Variants in AGBL1 observed in about 807,000 individuals in gnomAD.
AGBL1 encodes AGBL carboxypeptidase 1, also known as cytosolic carboxypeptidase 4.
A neutral mutation model predicts 118.9 loss-of-function variants in AGBL1; 130 were observed. The ratio of observed to expected loss-of-function variants is 1.09; its 90% CI spans 0.95 to 1.26. The LOEUF (loss-of-function observed/expected upper bound fraction) is 1.26, where lower values mean the gene tolerates loss of function less well. Ranked by LOEUF, AGBL1 falls within the 50% of genes most tolerant of loss-of-function variation. The probability of loss-of-function intolerance (pLI) is 0.00; values close to 1 mark genes in which losing one functional copy is unlikely to be tolerated. For missense variants in AGBL1, 1,584 were observed against 1,298.1 expected (o/e 1.22, Z -3.38); for synonymous variants, 555 against 478.9 (o/e 1.16, Z -2.08).
intron 1 of AGBL1, among the ~76,000 whole-genome samples, chr15:86,097,145 G>A (rs1014057426): frequency 6.6e-6 from 1 of 151,866 alleles, no homozygotes; most frequent in Non-Finnish European, 1.5e-5. Context: ...AATGTTATTG[G>A]GATTGCTATT....
chr15:86,538,719 G>C (rs2083456769), intron 19 of AGBL1, among the ~76,000 whole-genome samples: 1 of 152,222 alleles, frequency 6.6e-6, no homozygotes, highest in South Asian at 2.1e-4. Flanking sequence ...TTGATACTGG[G>C]AAGCAGGAAT....
chr15:86,489,416 T>C (rs2082751922), intron 18 of AGBL1, among the ~76,000 whole-genome samples: 1 of 152,172 alleles, frequency 6.6e-6, no homozygotes, highest in Admixed American at 6.5e-5. Flanking sequence ...TCTGACTTGA[T>C]GTGACTATTG....
intron 22 of AGBL1, among the ~76,000 whole-genome samples, chr15:86,789,317 C>T (rs984068645): frequency 3.3e-5 from 5 of 152,160 alleles, no homozygotes; most frequent in African/African-American, 4.8e-5. Flanking sequence ...AATGCAGACT[C>T]GGATTATCAA....
At chr15:87,012,192 T>TACACACACACACAC (rs57985975) in intron 24 of AGBL1, among the ~76,000 whole-genome samples, 35 of 142,786 alleles carry the variant, frequency 2.5e-4, no homozygotes, top group African/African-American at 7.6e-4. Context: ...TACAAATTTA[T>TACACACACACACAC]ACACACACAC....
intron 17 of AGBL1, among the ~76,000 whole-genome samples, chr15:86,339,027 C>T (rs181068883): frequency 3.2e-4 from 48 of 152,136 alleles, no homozygotes; most frequent in Admixed American, 3.1e-3. Flanking sequence ...GCTTTTTATG[C>T]GTTAATATGA....
chr15:86,266,561 C>T (rs1283220099), intron 12 of AGBL1, 104 bp downstream of exon 12: 13 of 828,726 alleles, frequency 1.6e-5, no homozygotes, highest in Admixed American at 3.0e-5. Flanking sequence ...CCTCCTAAAA[C>T]AGCATGATGA....
At chr15:86,736,954 A>G (rs2077610936) in intron 22 of AGBL1, among the ~76,000 whole-genome samples, 1 of 152,156 alleles carries the variant, frequency 6.6e-6, no homozygotes, top group Non-Finnish European at 1.5e-5. Flanking sequence ...TTAGAAGTCA[A>G]GTTCTCTGGA....
chr15:86,999,787 CT>C (rs528703545), intron 24 of AGBL1, among the ~76,000 whole-genome samples: 2,084 of 144,460 alleles, frequency 0.014, 59 homozygotes, highest in African/African-American at 0.052. Context: ...TTCTAGATCC[CT>C]GAGGAATCGC....
chr15:86,741,929 T>C (rs1403513883), intron 22 of AGBL1, among the ~76,000 whole-genome samples: 3 of 152,134 alleles, frequency 2.0e-5, no homozygotes, highest in Non-Finnish European at 2.9e-5. Flanking sequence ...AGTTTTTCTC[T>C]ATTCCTCTTC....
In AGBL1 at chr15:86,261,614, A is replaced by AT. The variant is rs10550603; in HGVS notation, c.970-1154dup. ...GAAATATACTTGTAAAACATATGGT[A>AT]TTTTTTTTTTCTCTATTTCATTAAG... On this transcript the variant is annotated intron_variant, in intron 9 of 22. Coordinates refer to ENST00000614907, the MANE Select transcript of AGBL1 (RefSeq NM_001386094.1). Among the ~76,000 whole-genome samples the AT allele has an allele frequency of 3.0e-3, 449 of 149,926 alleles. 2 individuals carry two copies. Among genetic ancestry groups the AT allele is most frequent in the African/African-American group, 9.0e-3 (367 of 40,880 alleles).
chr15:86,935,144 T>C (rs2080653159), intron 23 of AGBL1: 1 of 152,190 alleles, frequency 6.6e-6, no homozygotes, highest in African/African-American at 2.4e-5. Flanking sequence ...TTCTCCCCGA[T>C]TCCTCTCCAT....
At chr15:86,447,568 T>C (rs577801725) in intron 18 of AGBL1, among the ~76,000 whole-genome samples, 1 of 152,300 alleles carries the variant, frequency 6.6e-6, no homozygotes, top group South Asian at 2.1e-4. Context: ...AGATGAGGTG[T>C]GTTTTAAATC....
intron 19 of AGBL1, among the ~76,000 whole-genome samples, chr15:86,525,819 T>C (rs889332407): frequency 8.5e-5 from 13 of 152,070 alleles, no homozygotes; most frequent in Admixed American, 6.6e-4. Flanking sequence ...TAATTTATGG[T>C]GAAGACTCCA....
chr15:86,491,048 C>T (rs1475705659), intron 18 of AGBL1, among the ~76,000 whole-genome samples: 2 of 152,190 alleles, frequency 1.3e-5, no homozygotes, highest in South Asian at 4.1e-4. Flanking sequence ...ATATTTATTT[C>T]TCCTTAAGTG....
intron 5 of AGBL1, among the ~76,000 whole-genome samples, chr15:86,219,242 A>C (rs957619295): frequency 6.6e-6 from 1 of 152,110 alleles, no homozygotes; most frequent in African/African-American, 2.4e-5. Context: ...CTTGGTACCC[A>C]TTCCACCTTC....
chr15:87,001,362 T>A (rs1427615128), intron 24 of AGBL1, among the ~76,000 whole-genome samples: 1 of 152,114 alleles, frequency 6.6e-6, no homozygotes, highest in East Asian at 1.9e-4. Flanking sequence ...GTGCCATATT[T>A]TCTTAATCCA....
intron 21 of AGBL1, among the ~76,000 whole-genome samples, chr15:86,605,765 G>T (rs1256801042): frequency 2.6e-5 from 4 of 151,748 alleles, no homozygotes; most frequent in Non-Finnish European, 5.9e-5. Context: ...GTGTGTGTGT[G>T]TGTATGTGTG....
chr15:86,209,617 C>A (rs1482766095), intron 5 of AGBL1, among the ~76,000 whole-genome samples: 1 of 152,214 alleles, frequency 6.6e-6, no homozygotes, highest in Non-Finnish European at 1.5e-5. Context: ...TCTGATTTAT[C>A]AGACACTAAG....
intron 22 of AGBL1, among the ~76,000 whole-genome samples, chr15:86,695,391 G>T (rs909534444): frequency 6.6e-6 from 1 of 151,766 alleles, no homozygotes; most frequent in African/African-American, 2.4e-5. Context: ...AAAGGTGTTC[G>T]TAGTAGCCCT....
Sources: gnomAD v4.1 joint callset for allele counts (sites outside exome capture counted in the v4.1 genomes callset) on GRCh38, gnomAD v4.1.1 for gene constraint, MANE v1.5 for transcripts, NCBI Gene and HGNC (gene_info 2026-07-23, HGNC 2026-07-21) for gene names.